Variants in ADGRL3 observed in about 807,000 individuals in gnomAD.
ADGRL3 encodes adhesion G protein-coupled receptor L3.
In ADGRL3, 62 loss-of-function variants were observed where a neutral mutation model predicts 153.5. The ratio of observed to expected loss-of-function variants is 0.40; its 90% CI spans 0.33 to 0.50. ADGRL3 has a LOEUF of 0.50. Ranked by LOEUF, ADGRL3 falls within the 20% of genes least tolerant of loss-of-function variation. The probability of loss-of-function intolerance (pLI) is 0.47; values close to 1 mark genes in which losing one functional copy is unlikely to be tolerated. For synonymous variants in ADGRL3, 710 were observed against 672.5 expected (o/e 1.06, Z -0.86); for missense variants, 1,641 against 1,859.4 (o/e 0.88, Z 2.16).
intron 23 of ADGRL3, among the ~76,000 whole-genome samples, chr4:62,032,625 A>G (rs1382752755): frequency 6.6e-6 from 1 of 151,714 alleles, no homozygotes; most frequent in Non-Finnish European, 1.5e-5. Flanking sequence ...AATAAGACTT[A>G]TAATTTTTCT....
intron 8 of ADGRL3, among the ~76,000 whole-genome samples, chr4:61,738,623 T>C (rs1308792241): frequency 6.6e-6 from 1 of 152,180 alleles, no homozygotes; most frequent in Non-Finnish European, 1.5e-5. Flanking sequence ...AAAAGTGGTT[T>C]CAGGAGTTAT....
intron 1 of ADGRL3, among the ~76,000 whole-genome samples, chr4:61,237,048 G>A (rs1224425928): frequency 1.3e-5 from 2 of 151,990 alleles, no homozygotes; most frequent in Non-Finnish European, 2.9e-5. Flanking sequence ...CTTCACAGTG[G>A]TAGTCCCAAT....
intron 8 of ADGRL3, among the ~76,000 whole-genome samples, chr4:61,794,092 A>G (rs937698072): frequency 1.3e-5 from 2 of 152,230 alleles, no homozygotes; most frequent in African/African-American, 2.4e-5. Context: ...TTGCACAGAC[A>G]TAGTCGTAGT....
intron 23 of ADGRL3, among the ~76,000 whole-genome samples, chr4:62,034,836 A>G (rs547354312): frequency 6.6e-6 from 1 of 151,866 alleles, no homozygotes; most frequent in South Asian, 2.1e-4. Flanking sequence ...TACTTTTGTC[A>G]TACATTCAAA....
intron 11 of ADGRL3, among the ~76,000 whole-genome samples, chr4:61,900,060 A>G (rs116352897): frequency 1.6e-4 from 24 of 152,300 alleles, no homozygotes; most frequent in Admixed American, 1.5e-3. Flanking sequence ...TGAAGGAAAG[A>G]GCACTGACTT....
chr4:61,271,341 A>G (rs933110675), intron 1 of ADGRL3, among the ~76,000 whole-genome samples: 1 of 151,990 alleles, frequency 6.6e-6, no homozygotes, highest in Non-Finnish European at 1.5e-5. Context: ...ATTAAGAACT[A>G]TAACTCCCCT....
At chr4:61,253,691 C>CCACACACA (rs143396564) in intron 1 of ADGRL3, among the ~76,000 whole-genome samples, 38,461 of 140,150 alleles carry the variant, frequency 0.27, 5,112 homozygotes, top group South Asian at 0.39. Flanking sequence ...ATGTTCAGTT[C>CCACACACA]CACACACACA....
chr4:61,749,511 G>A (rs1208612995), intron 8 of ADGRL3, among the ~76,000 whole-genome samples: 7 of 152,230 alleles, frequency 4.6e-5, no homozygotes, highest in East Asian at 1.9e-4. Flanking sequence ...CATATACACC[G>A]TGGAATACTA....
At chr4:61,304,251 G>A (rs1423075297) in intron 1 of ADGRL3, among the ~76,000 whole-genome samples, 2 of 152,166 alleles carry the variant, frequency 1.3e-5, no homozygotes, top group Non-Finnish European at 2.9e-5. Context: ...ATTTTGTAGT[G>A]AAATGCATTT....
At chr4:61,484,313 G>T (rs1434612488) in intron 2 of ADGRL3, among the ~76,000 whole-genome samples, 1 of 152,104 alleles carries the variant, frequency 6.6e-6, no homozygotes, top group African/African-American at 2.4e-5. Flanking sequence ...AACCCTAAAA[G>T]CTGAGGAGAT....
At chr4:61,275,557 T>A (rs930794658) in intron 1 of ADGRL3, among the ~76,000 whole-genome samples, 1 of 152,218 alleles carries the variant, frequency 6.6e-6, no homozygotes, top group Admixed American at 6.5e-5. Flanking sequence ...TCTCAGAGTG[T>A]CCTGCATAGT....
chr4:61,354,321 C>T (rs919832167), intron 1 of ADGRL3, among the ~76,000 whole-genome samples: 1 of 152,114 alleles, frequency 6.6e-6, no homozygotes, highest in African/African-American at 2.4e-5. Context: ...TTCTCTAGGA[C>T]AGTTTATTTC....
At chr4:61,634,454 T>A (rs1178329165) in intron 5 of ADGRL3, among the ~76,000 whole-genome samples, 1 of 152,184 alleles carries the variant, frequency 6.6e-6, no homozygotes, top group Non-Finnish European at 1.5e-5. Context: ...TCTTGTAGTG[T>A]TTCTCTGAAA....
chr4:61,500,287 G>T (rs1403108858), intron 3 of ADGRL3, among the ~76,000 whole-genome samples: 1 of 152,094 alleles, frequency 6.6e-6, no homozygotes, highest in Admixed American at 6.6e-5. Context: ...TTAAAACTTT[G>T]TACCTGAGAA....
At position 61,977,577 on chromosome 4, in the gene ADGRL3, A is replaced by C. The variant is rs1275652852; in HGVS notation, c.2806-1986A>C. On this transcript the variant is annotated intron_variant, in intron 17 of 26. Coordinates refer to ENST00000683033, the MANE Select transcript of ADGRL3 (RefSeq NM_001387552.1). ...AAGAGTTATGCAGGAATATTTCAAAACTGCTTCATTGACAGTATTCTAGTG... is the reference window on the plus strand; with the variant it reads ...AAGAGTTATGCAGGAATATTTCAAACCTGCTTCATTGACAGTATTCTAGTG... Among the ~76,000 whole-genome samples the C allele has an allele frequency of 2.0e-5, 3 of 152,154 alleles. No individual in the cohort carries two copies. In the East Asian group the frequency reaches 5.8e-4, roughly 29 times the overall value.
chr4:61,219,313 G>A (rs1744308908), intron 1 of ADGRL3, among the ~76,000 whole-genome samples: 1 of 152,112 alleles, frequency 6.6e-6, no homozygotes, highest in South Asian at 2.1e-4. Context: ...GTATCCAGTT[G>A]TTTAATCTGG....
Position 61,710,796 on chromosome 4 carries a change from A to G in ADGRL3, c.584-19826A>G, listed in dbSNP as rs532546065. On this transcript the variant is annotated intron_variant, in intron 6 of 26. Transcript: ENST00000683033. ...TGTAACTATTTGCTAATCCGACAACACTCTAATATACTTGTCAAGCAAAGT... is the reference window on the plus strand; with the variant it reads ...TGTAACTATTTGCTAATCCGACAACGCTCTAATATACTTGTCAAGCAAAGT... 3.3e-5 allele frequency among the ~76,000 whole-genome samples: 5 copies of G among 152,240 alleles called. No homozygotes were observed. In the East Asian group the frequency reaches 5.8e-4, roughly 18 times the overall value.
intron 25 of ADGRL3, among the ~76,000 whole-genome samples, chr4:62,058,680 G>T (rs75529489): frequency 6.6e-6 from 1 of 151,976 alleles, no homozygotes; most frequent in Non-Finnish European, 1.5e-5. Flanking sequence ...CTGACTAACC[G>T]GTAAGCCCAA....
chr4:61,634,810 G>T (rs1369156498), intron 5 of ADGRL3, among the ~76,000 whole-genome samples: 1 of 152,094 alleles, frequency 6.6e-6, no homozygotes, highest in African/African-American at 2.4e-5. Context: ...CAAAGAGAAA[G>T]TAACTGAGTG....
Sources: gnomAD v4.1 joint callset for allele counts (sites outside exome capture counted in the v4.1 genomes callset) on GRCh38, gnomAD v4.1.1 for gene constraint, MANE v1.5 for transcripts, NCBI Gene and HGNC (gene_info 2026-07-23, HGNC 2026-07-21) for gene names.